ST6GALNAC3: variants seen among roughly 807,000 people sequenced by gnomAD.
The protein encoded by ST6GALNAC3 is alpha-N-acetylgalactosaminide alpha-2,6-sialyltransferase 3.
Under a neutral mutation model 32.7 loss-of-function variants are expected in ST6GALNAC3, and 25 were observed. That is an observed-to-expected ratio of 0.76 (90% CI 0.56 to 1.07). The LOEUF is 1.07. Among genes scored for constraint, ST6GALNAC3 ranks in the 50% least tolerant of loss-of-function variants. The pLI is 0.00. For synonymous variants in ST6GALNAC3, 129 were observed against 133.1 expected, an observed-to-expected ratio of 0.97 and a Z score of 0.21; for missense variants, 355 against 382.4, an observed-to-expected ratio of 0.93 and a Z score of 0.60.
intron 1 of ST6GALNAC3, among the ~76,000 whole-genome samples, chr1:76,182,610 G>A (rs1367931392): frequency 6.6e-6 from 1 of 152,100 alleles, no homozygotes. Context: ...TGATTAAAAA[G>A]TAAATTTTGA....
chr1:76,141,543 T>A (rs185687782), intron 1 of ST6GALNAC3, among the ~76,000 whole-genome samples: 119 of 152,244 alleles, frequency 7.8e-4, no homozygotes, highest in Middle Eastern at 3.4e-3. Context: ...AGTTTTTTTT[T>A]AAAAAGTGAA....
intron 1 of ST6GALNAC3, among the ~76,000 whole-genome samples, chr1:76,294,859 T>C (rs566578708): frequency 1.3e-5 from 2 of 152,214 alleles, no homozygotes; most frequent in South Asian, 2.1e-4. Context: ...CCTGGGAAGA[T>C]TCTATTTATT....
At chr1:76,405,654 A>C (rs556312233) in intron 2 of ST6GALNAC3, among the ~76,000 whole-genome samples, 1 of 151,552 alleles carries the variant, frequency 6.6e-6, no homozygotes, top group South Asian at 2.1e-4. Context: ...GAGGAACAGA[A>C]GGGTTCTTTT....
intron 1 of ST6GALNAC3, among the ~76,000 whole-genome samples, chr1:76,186,032 G>A (rs1188617982): frequency 1.3e-5 from 2 of 152,132 alleles, no homozygotes; most frequent in African/African-American, 4.8e-5. Context: ...GCAGATTTTT[G>A]TAGTTTTGGG....
intron 1 of ST6GALNAC3, among the ~76,000 whole-genome samples, chr1:76,305,025 T>C (rs1159955267): frequency 6.6e-6 from 1 of 152,080 alleles, no homozygotes; most frequent in Non-Finnish European, 1.5e-5. Flanking sequence ...CCTGGTTAGT[T>C]AGCACCTCCC....
chr1:76,383,486 A>G (rs1557841208), intron 2 of ST6GALNAC3, among the ~76,000 whole-genome samples: 2 of 139,954 alleles, frequency 1.4e-5, no homozygotes, highest in South Asian at 4.5e-4. Flanking sequence ...TATATTGCCC[A>G]GGCTGGTCTT....
chr1:76,231,875 A>T (rs576971338), intron 1 of ST6GALNAC3, among the ~76,000 whole-genome samples: 2 of 152,214 alleles, frequency 1.3e-5, no homozygotes, highest in Admixed American at 1.3e-4. Flanking sequence ...TTGCCAGATT[A>T]TATGGTAATT....
intron 1 of ST6GALNAC3, among the ~76,000 whole-genome samples, chr1:76,192,672 A>G (rs1291310556): frequency 6.6e-6 from 1 of 152,190 alleles, no homozygotes; most frequent in East Asian, 1.9e-4. Context: ...TAACTGGAAT[A>G]TTCACAGGTA....
At chr1:76,174,495 T>C (rs1652721331) in intron 1 of ST6GALNAC3, among the ~76,000 whole-genome samples, 1 of 151,900 alleles carries the variant, frequency 6.6e-6, no homozygotes, top group South Asian at 2.1e-4. Flanking sequence ...TTTCGTGAAT[T>C]CTTTCCAATA....
chr1:76,492,066 T>C (rs148384242), intron 3 of ST6GALNAC3, among the ~76,000 whole-genome samples: 51 of 152,322 alleles, frequency 3.3e-4, no homozygotes, highest in Non-Finnish European at 2.8e-4. Flanking sequence ...GTTATTCCTG[T>C]TTGATGTATG....
chr1:76,528,046 G>C (rs987918936), intron 3 of ST6GALNAC3, among the ~76,000 whole-genome samples: 1 of 152,142 alleles, frequency 6.6e-6, no homozygotes, highest in Non-Finnish European at 1.5e-5. Flanking sequence ...GTTAGGTAAA[G>C]ATCATTATGT....
chr1:76,388,776 G>T (rs959868110), intron 2 of ST6GALNAC3, among the ~76,000 whole-genome samples: 24 of 152,168 alleles, frequency 1.6e-4, no homozygotes, highest in Admixed American at 9.2e-4. Context: ...TTTAAATGTG[G>T]TCACATTTCT....
intron 1 of ST6GALNAC3, among the ~76,000 whole-genome samples, chr1:76,113,286 G>A (rs1441881858): frequency 6.8e-6 from 1 of 146,168 alleles, no homozygotes; most frequent in Non-Finnish European, 1.5e-5. Flanking sequence ...CGAGATGGCA[G>A]CAGTACAGTC....
At chr1:76,196,711 C>T (rs1411045287) in intron 1 of ST6GALNAC3, among the ~76,000 whole-genome samples, 2 of 152,118 alleles carry the variant, frequency 1.3e-5, no homozygotes, top group East Asian at 1.9e-4. Flanking sequence ...GGTGATCCGC[C>T]CACCTCGGCC....
At chr1:76,253,210 C>T (rs888466132) in intron 1 of ST6GALNAC3, among the ~76,000 whole-genome samples, 10 of 152,072 alleles carry the variant, frequency 6.6e-5, no homozygotes, top group Admixed American at 2.6e-4. Context: ...AGCCCTTAGA[C>T]TCCCATGATT....
intron 1 of ST6GALNAC3, among the ~76,000 whole-genome samples, chr1:76,077,761 G>A (rs1646836483): frequency 6.6e-6 from 1 of 152,154 alleles, no homozygotes; most frequent in Non-Finnish European, 1.5e-5. Flanking sequence ...CTTGCTTTTA[G>A]GTAGAAATGG....
At position 76,313,968 on chromosome 1, in the gene ST6GALNAC3, A is replaced by T. The variant is rs1399900890; in HGVS notation, c.182A>T (p.His61Leu). 6.2e-7 allele frequency: 1 copy of T among 1,613,014 alleles called. No homozygotes were observed. The highest frequency in any genetic ancestry group is 1.1e-5 in the South Asian group (1 of 90,972). ...ACATACAGGCGGCCCCTTCGAACTC[A>T]CTATGGATACATAAATGTGAAGACA... is the stretch of plus-strand genomic sequence containing the variant. The part of the protein sequence containing the change: ...SYTYRRPLRT[H>L]YGYINVKTQE... The change falls in exon 2 of 5, where the codon CAC becomes CTC. Residue 61 changes from histidine to leucine, a missense_variant. His to Leu is a moderately conservative substitution (Grantham distance 99). Transcript: ENST00000328299.
intron 2 of ST6GALNAC3, among the ~76,000 whole-genome samples, chr1:76,346,960 T>C (rs952322148): frequency 6.6e-6 from 1 of 152,200 alleles, no homozygotes; most frequent in Non-Finnish European, 1.5e-5. Flanking sequence ...TTGTATCTGT[T>C]AATACATTAT....
At chr1:76,516,364 T>C (rs1268131986) in intron 3 of ST6GALNAC3, among the ~76,000 whole-genome samples, 4 of 152,204 alleles carry the variant, frequency 2.6e-5, no homozygotes, top group Non-Finnish European at 5.9e-5. Flanking sequence ...GAGCATATGC[T>C]TTTCCTGTTT....
Sources: allele counts gnomAD v4.1 joint callset (sites outside exome capture counted in the v4.1 genomes callset), GRCh38; gene constraint gnomAD v4.1.1; transcripts MANE v1.5; gene names NCBI Gene and HGNC (gene_info 2026-07-23, HGNC 2026-07-21).